Variants in PPCS observed in about 807,000 individuals in gnomAD.
PPCS encodes the protein phosphopantothenoylcysteine synthetase.
Under a neutral mutation model 24.6 loss-of-function variants are expected in PPCS, and 17 were observed. The ratio of observed to expected loss-of-function variants is 0.69; its 90% CI spans 0.47 to 1.04. The LOEUF is 1.04. Among genes scored for constraint, PPCS ranks in the 50% least tolerant of loss-of-function variants. The pLI is 0.00. For missense variants in PPCS, 360 were observed against 402.8 expected (o/e 0.89, Z 0.91); for synonymous variants, 190 against 168.3 (o/e 1.13, Z -1.00).
At chr1:42,458,635 C>T (rs79526021) in intron 2 of PPCS, among the ~76,000 whole-genome samples, 6,134 of 152,274 alleles carry the variant, frequency 0.04, 150 homozygotes, top group Non-Finnish European at 0.058. Flanking sequence ...TATATGATCC[C>T]TATCACACTA....
chr1:42,456,913 G>T lies in PPCS; in HGVS notation c.348G>T (p.Leu116=). ...RPSGPALSGL[L]SLEAEENALP... is the part of the protein sequence containing the mutation. ...CGGGCCCAGCCCTTTCGGGCTTGCT[G>T]AGCCTGGAGGCCGAGGAGAATGCAC... The change falls in exon 1 of 3, where the codon CTG becomes CTT. Residue 116 remains leucine, a synonymous_variant. Transcript: ENST00000372561. 6.2e-7 allele frequency: 1 copy of T among 1,610,936 alleles called. No individual in the cohort carries two copies.
At chr1:42,456,435 C>T (rs889328937), upstream of PPCS, 3 of 982,704 alleles carry the variant, frequency 3.1e-6, no homozygotes, top group African/African-American at 5.0e-5. Flanking sequence ...TTGGCGAGAT[C>T]GGGACCTAGT....
chr1:42,456,981 C>G lies in PPCS; in HGVS notation c.416C>G (p.Ala139Gly), dbSNP rs1482911732. ...AEALRSYQEAAAAGTFLAVEF... is the reference protein window; with the variant it reads ...AEALRSYQEAGAAGTFLAVEF... Reference sequence around the variant, plus strand: ...GCTCTGAGGAGCTACCAGGAGGCTGCGGCTGCAGGCACCTTCCTGGCAGTA... The same window carrying G: ...GCTCTGAGGAGCTACCAGGAGGCTGGGGCTGCAGGCACCTTCCTGGCAGTA... Residue 139 changes from alanine to glycine, a missense_variant, in exon 1 of 3, where the codon GCG becomes GGG. Physicochemically the swap from Ala to Gly is moderately conservative, Grantham distance 60. Coordinates refer to ENST00000372561, the MANE Select transcript of PPCS (RefSeq NM_024664.4). 6.2e-7 allele frequency: 1 copy of G among 1,602,828 alleles called. No homozygotes were observed. The highest frequency in any genetic ancestry group is 8.5e-7 in the Non-Finnish European group (1 of 1,179,990).
Position 42,456,878 on chromosome 1 carries a change from C to G in PPCS, c.313C>G (p.Leu105Val). The change falls in exon 1 of 3, where the codon CTG becomes GTG. Residue 105 changes from leucine to valine, a missense_variant. By Grantham distance (32) the Leu-to-Val change is conservative. Transcript: ENST00000372561. ...RFPPQTWLSALRPSGPALSGL... is the reference protein window; with the variant it reads ...RFPPQTWLSAVRPSGPALSGL... Reference sequence around the variant, plus strand: ...CCCACCCCAGACTTGGCTGTCCGCTCTGCGGCCTTCGGGCCCAGCCCTTTC... The same window carrying G: ...CCCACCCCAGACTTGGCTGTCCGCTGTGCGGCCTTCGGGCCCAGCCCTTTC... 1.2e-6 allele frequency: 2 copies of G among 1,613,230 alleles called. No individual in the cohort carries two copies. The highest frequency in any genetic ancestry group is 1.7e-6 in the Non-Finnish European group (2 of 1,180,046).
chr1:42,457,788 A>G (rs1643270536), intron 2 of PPCS, among the ~76,000 whole-genome samples: 1 of 152,166 alleles, frequency 6.6e-6, no homozygotes, highest in South Asian at 2.1e-4. Flanking sequence ...CCCCGTCTCT[A>G]CTAAAAAAAT....
chr1:42,464,520 ATTCT>A (rs1404680813), downstream of PPCS, among the ~76,000 whole-genome samples: 1 of 152,212 alleles, frequency 6.6e-6, no homozygotes, highest in Non-Finnish European at 1.5e-5. Flanking sequence ...ATCAGAAAAC[ATTCT>A]TTGTGATGTA....
At chr1:42,464,625 G>T (rs1278733189), downstream of PPCS, among the ~76,000 whole-genome samples, 1 of 152,170 alleles carries the variant, frequency 6.6e-6, no homozygotes, top group East Asian at 1.9e-4. Flanking sequence ...CTGGAACAGA[G>T]GGCCTTAAAT....
intron 1 of PPCS, 54 bp downstream of exon 1, chr1:42,457,127 C>A (rs1358088599): frequency 1.7e-5 from 27 of 1,576,446 alleles, no homozygotes; most frequent in Non-Finnish European, 2.2e-5. Flanking sequence ...TTCTTTCCAG[C>A]CACTTATCCC....
At position 42,456,997 on chromosome 1, in the gene PPCS, C is replaced by G. The variant is rs750953824; in HGVS notation, c.432C>G (p.Phe144Leu). 6.2e-7 allele frequency: 1 copy of G among 1,602,352 alleles called. No individual in the cohort carries two copies. The highest frequency in any genetic ancestry group is 1.7e-5 in the Admixed American group (1 of 60,026). ...AGGAGGCTGCGGCTGCAGGCACCTT[C>G]CTGGCAGTAGAGTTCACCACTTTGG... ...SYQEAAAAGT[F>L]LAVEFTTLAD... Residue 144 changes from phenylalanine (F) to leucine (L), a missense_variant, in exon 1 of 3, where the codon TTC (phenylalanine) becomes TTG (leucine). Around this residue, in one of 2 missense-constraint regions of PPCS, gnomAD observed 244 missense variants for 234.7 expected, o/e 1.04. Transcript: ENST00000372561.
At chr1:42,457,855 T>G (rs973348411) in intron 2 of PPCS, among the ~76,000 whole-genome samples, 2 of 150,734 alleles carry the variant, frequency 1.3e-5, no homozygotes, top group African/African-American at 4.9e-5. Context: ...CTCGGGAGGC[T>G]GAGGCAGAAG....
intron 2 of PPCS, among the ~76,000 whole-genome samples, chr1:42,470,613 G>A (rs989103038): frequency 2.6e-5 from 4 of 152,124 alleles, no homozygotes; most frequent in African/African-American, 9.7e-5. Flanking sequence ...ACATACAATG[G>A]AATATTATTC....
chr1:42,460,790 A>G lies in PPCS; in HGVS notation c.*864A>G, dbSNP rs1643390269. On this transcript the variant is annotated 3_prime_UTR_variant, in exon 3 of 3. Transcript: ENST00000372561. ...ATAAAATGAGGATAATCTCTCTGCA[A>G]AGTAATGCCATTTATTGTGAGGATC... is the stretch of plus-strand genomic sequence containing the variant. Among the ~76,000 whole-genome samples, 1 of 152,244 alleles carries G rather than the reference A, an allele frequency of 6.6e-6. No homozygotes were observed. The highest frequency in any genetic ancestry group is 6.5e-5 in the Admixed American group (1 of 15,292).
At chr1:42,457,867 A>C (rs1643274739) in intron 2 of PPCS, among the ~76,000 whole-genome samples, 1 of 151,512 alleles carries the variant, frequency 6.6e-6, no homozygotes, top group South Asian at 2.1e-4. Context: ...AGGCAGAAGA[A>C]TCGCTTGAAA....
intron 2 of PPCS, among the ~76,000 whole-genome samples, chr1:42,470,292 A>AT (rs34306139): frequency 0.91 from 135,835 of 149,924 alleles, 61,555 homozygotes; most frequent in East Asian, 0.99. Flanking sequence ...TAGGATGGCT[A>AT]TTTTTTTTTT....
At chr1:42,463,035 C>G (rs1272021125), downstream of PPCS, among the ~76,000 whole-genome samples, 2 of 152,196 alleles carry the variant, frequency 1.3e-5, no homozygotes, top group Non-Finnish European at 2.9e-5. Flanking sequence ...GCTAGAACGC[C>G]CCAAGACAAA....
rs541949803 is a variant in PPCS at position 42,460,059 on chromosome 1, A to G, written c.*133A>G. On this transcript the variant is annotated 3_prime_UTR_variant, in exon 3 of 3. Coordinates refer to ENST00000372561, the MANE Select transcript of PPCS (RefSeq NM_024664.4). ...AAAAGGCAGTGGTGTGTAGGCAAAT[A>G]TGGTTTGGCATTTGTCTTTTAATGA... 2 of 1,413,902 alleles carry G rather than the reference A, an allele frequency of 1.4e-6. No homozygotes were observed. The highest frequency in any genetic ancestry group is 1.8e-6 in the Non-Finnish European group (2 of 1,088,588). The allele number at this position is 1,413,902 out of a possible 1,614,324, so 87.6% of individuals were successfully genotyped here.
chr1:42,461,434 C>T (rs1643407333), downstream of PPCS, among the ~76,000 whole-genome samples: 1 of 152,162 alleles, frequency 6.6e-6, no homozygotes, highest in Non-Finnish European at 1.5e-5. Flanking sequence ...CTCCTGGACT[C>T]AAGCACTCCT....
exon 3 of PPCS, chr1:42,473,331 A>G: frequency 2.6e-6 from 3 of 1,162,416 alleles, no homozygotes; most frequent in Non-Finnish European, 3.2e-6. Flanking sequence ...AGAATTTTAA[A>G]GACACCTGTG....
At chr1:42,463,550 T>A (rs1470430710), downstream of PPCS, 1 of 152,446 alleles carries the variant, frequency 6.6e-6, no homozygotes, top group Non-Finnish European at 1.5e-5. Flanking sequence ...GCTGGAGTGA[T>A]TCCGCCTGAA....
Sources: gnomAD v4.1 joint callset for allele counts (sites outside exome capture counted in the v4.1 genomes callset) on GRCh38, gnomAD v4.1.1 for gene constraint, gnomAD v4.1.1 regional missense constraint, MANE v1.5 for transcripts, NCBI Gene and HGNC (gene_info 2026-07-23, HGNC 2026-07-21) for gene names.